EPHA6: variants seen among roughly 807,000 people sequenced by gnomAD.
The protein encoded by EPHA6 is EPH receptor A6.
EPHA6 carries 50 observed loss-of-function variants against 112.0 expected under a neutral mutation model. The ratio of observed to expected loss-of-function variants is 0.45; its 90% CI spans 0.36 to 0.56. The LOEUF is 0.56. Among genes scored for constraint, EPHA6 ranks in the 20% least tolerant of loss-of-function variants. EPHA6 has a pLI of 0.00. For synonymous variants in EPHA6, 529 were observed against 490.7 expected (o/e 1.08, Z -1.03); for missense variants, 1,280 against 1,417.4 (o/e 0.90, Z 1.56).
At chr3:97,402,010 C>T (rs181262523) in intron 5 of EPHA6, among the ~76,000 whole-genome samples, 5 of 151,950 alleles carry the variant, frequency 3.3e-5, no homozygotes, top group African/African-American at 4.8e-5. Context: ...CTATTGTGAT[C>T]GGAAAAGACA....
At chr3:97,163,474 CAT>C (rs756272087) in intron 3 of EPHA6, among the ~76,000 whole-genome samples, 2 of 152,146 alleles carry the variant, frequency 1.3e-5, no homozygotes, top group African/African-American at 2.4e-5. Context: ...CATTCCCACA[CAT>C]GTTTCCAGGA....
In EPHA6 at chr3:97,536,339, T is replaced by C. The variant is rs554812893; in HGVS notation, c.2386+3796T>C. 2.6e-5 allele frequency among the ~76,000 whole-genome samples: 4 copies of C among 152,252 alleles called. No individual in the cohort carries two copies. The East Asian group carries it at 5.8e-4, about 22-fold the overall frequency. On this transcript the variant is annotated intron_variant, in intron 11 of 17. Coordinates refer to ENST00000389672, the MANE Select transcript of EPHA6 (RefSeq NM_001080448.3). ...TGGGCTCTGCAGTTTGAATTTATGA[T>C]GATGGAAGAACCAAAAAGAGAAAAA...
At chr3:97,641,260 T>C (rs1247005726) in intron 14 of EPHA6, among the ~76,000 whole-genome samples, 2 of 152,210 alleles carry the variant, frequency 1.3e-5, no homozygotes, top group African/African-American at 2.4e-5. Context: ...ACTTTGTTTA[T>C]AAATTTTAGA....
chr3:97,082,562 C>T (rs2046756812), intron 3 of EPHA6, among the ~76,000 whole-genome samples: 1 of 151,888 alleles, frequency 6.6e-6, no homozygotes, highest in South Asian at 2.1e-4. Context: ...CTTGCATACA[C>T]TCCCTTTAAA....
intron 5 of EPHA6, among the ~76,000 whole-genome samples, chr3:97,364,315 G>T (rs918945600): frequency 1.3e-5 from 2 of 149,092 alleles, no homozygotes. Context: ...ACCTGTTAGT[G>T]TTACCCAAAC....
At chr3:97,107,921 A>G (rs2047615731) in intron 3 of EPHA6, among the ~76,000 whole-genome samples, 1 of 152,146 alleles carries the variant, frequency 6.6e-6, no homozygotes, top group South Asian at 2.1e-4. Context: ...TATGTGTTAT[A>G]TAGCTTAGAT....
intron 11 of EPHA6, among the ~76,000 whole-genome samples, chr3:97,580,923 T>C (rs2093431509): frequency 6.6e-6 from 1 of 152,222 alleles, no homozygotes; most frequent in African/African-American, 2.4e-5. Context: ...CACACTGTTA[T>C]TACTTTGCTT....
At chr3:97,389,951 C>T (rs1318122367) in intron 5 of EPHA6, among the ~76,000 whole-genome samples, 2 of 152,152 alleles carry the variant, frequency 1.3e-5, no homozygotes, top group East Asian at 3.8e-4. Flanking sequence ...ACACAAACTT[C>T]TTCTCTGCAT....
chr3:97,191,671 C>T (rs999666184), intron 3 of EPHA6, among the ~76,000 whole-genome samples: 1 of 152,090 alleles, frequency 6.6e-6, no homozygotes, highest in Non-Finnish European at 1.5e-5. Context: ...TCACGGCTGA[C>T]TAGTATTCCA....
At chr3:97,491,189 A>G (rs902273342) in intron 10 of EPHA6, among the ~76,000 whole-genome samples, 1 of 152,192 alleles carries the variant, frequency 6.6e-6, no homozygotes, top group African/African-American at 2.4e-5. Flanking sequence ...GGATCACACA[A>G]GGACAGGAAT....
intron 5 of EPHA6, among the ~76,000 whole-genome samples, chr3:97,382,171 T>A (rs963437641): frequency 6.6e-6 from 1 of 152,056 alleles, no homozygotes; most frequent in Non-Finnish European, 1.5e-5. Flanking sequence ...AAGATTTAAA[T>A]TACAGTAACT....
chr3:96,989,687 G>A (rs993464686), intron 3 of EPHA6, among the ~76,000 whole-genome samples: 5 of 152,038 alleles, frequency 3.3e-5, no homozygotes, highest in African/African-American at 9.7e-5. Flanking sequence ...GAAGGCGAAG[G>A]GGAAGCATGT....
chr3:97,723,919 C>CTGGCTA lies in EPHA6; in HGVS notation c.2934+3510_2934+3511insGGCTAT, dbSNP rs1468801364. ...GAAGCAGAAATAGCTTAATCAAAAA[C>CTGGCTA]TTCCCAGCTGCTCTTTCCAAATACT... is the stretch of plus-strand genomic sequence containing the variant. On this transcript the variant is annotated intron_variant, in intron 15 of 17. Coordinates refer to ENST00000389672, the MANE Select transcript of EPHA6 (RefSeq NM_001080448.3). 3.9e-5 allele frequency among the ~76,000 whole-genome samples: 6 copies of CTGGCTA among 152,278 alleles called. No homozygotes were observed. The East Asian group carries it at 1.2e-3, about 29-fold the overall frequency.
intron 5 of EPHA6, among the ~76,000 whole-genome samples, chr3:97,261,895 T>C (rs1189065596): frequency 6.6e-6 from 1 of 152,152 alleles, no homozygotes. Flanking sequence ...AGTTAATACA[T>C]GGACAAATTA....
intron 3 of EPHA6, among the ~76,000 whole-genome samples, chr3:97,167,936 T>C (rs1030562870): frequency 6.6e-6 from 1 of 152,000 alleles, no homozygotes; most frequent in Non-Finnish European, 1.5e-5. Context: ...TTACACAAAT[T>C]AAGATTTTAG....
At chr3:97,261,655 G>A (rs554337486) in intron 5 of EPHA6, among the ~76,000 whole-genome samples, 1 of 152,212 alleles carries the variant, frequency 6.6e-6, no homozygotes, top group African/African-American at 2.4e-5. Flanking sequence ...GTGTTTGAGG[G>A]ATGTTTCAAG....
intron 10 of EPHA6, among the ~76,000 whole-genome samples, chr3:97,527,070 C>G (rs186804364): frequency 6.6e-6 from 1 of 152,180 alleles, no homozygotes; most frequent in African/African-American, 2.4e-5. Flanking sequence ...GGGCTGGAGC[C>G]AAAAGCTGTT....
At chr3:97,273,059 T>C (rs2079946399) in intron 5 of EPHA6, among the ~76,000 whole-genome samples, 1 of 152,018 alleles carries the variant, frequency 6.6e-6, no homozygotes, top group Admixed American at 6.6e-5. Context: ...GGGGTGATAT[T>C]GTGGGGTTGT....
chr3:97,371,122 G>T (rs2085028079), intron 5 of EPHA6, among the ~76,000 whole-genome samples: 1 of 150,970 alleles, frequency 6.6e-6, no homozygotes. Context: ...TGTTCCTAAA[G>T]CTTTTTCGTT....
Sources: allele counts gnomAD v4.1 joint callset (sites outside exome capture counted in the v4.1 genomes callset), GRCh38; gene constraint gnomAD v4.1.1; transcripts MANE v1.5; gene names NCBI Gene and HGNC (gene_info 2026-07-23, HGNC 2026-07-21).